The following NR2C2 variants were observed in gnomAD, a reference collection of about 807,000 sequenced individuals.
NR2C2 encodes nuclear receptor subfamily 2 group C member 2.
Under a neutral mutation model 62.9 loss-of-function variants are expected in NR2C2, and 6 were observed. The ratio of observed to expected loss-of-function variants is 0.10; its 90% CI spans 0.05 to 0.19. The LOEUF (loss-of-function observed/expected upper bound fraction) is 0.19. Ranked by LOEUF, NR2C2 falls within the 10% of genes least tolerant of loss-of-function variation. The pLI, the probability that NR2C2 is intolerant of heterozygous loss-of-function variation, is 1.00. For missense variants in NR2C2, 479 were observed against 762.7 expected (o/e 0.63, Z 4.38); for synonymous variants, 272 against 273.8 (o/e 0.99, Z 0.07).
chr3:14,960,077 A>C (rs1404967174), intron 1 of NR2C2, among the ~76,000 whole-genome samples: 1 of 152,218 alleles, frequency 6.6e-6, no homozygotes, highest in South Asian at 2.1e-4. Context: ...GGAGTTACAT[A>C]TGAGGGGAAA....
intron 1 of NR2C2, among the ~76,000 whole-genome samples, chr3:14,969,794 C>T (rs1003556923): frequency 2.6e-5 from 4 of 152,134 alleles, no homozygotes; most frequent in Non-Finnish European, 4.4e-5. Flanking sequence ...ATTCTTATGA[C>T]CTCTTTATTC....
At chr3:15,029,815 A>G (rs2041922825) in intron 8 of NR2C2, among the ~76,000 whole-genome samples, 1 of 125,800 alleles carries the variant, frequency 7.9e-6, no homozygotes, top group Non-Finnish European at 1.7e-5. Flanking sequence ...ATAGATAGAT[A>G]GATAGATAGA....
intron 2 of NR2C2, among the ~76,000 whole-genome samples, chr3:15,013,008 T>G (rs1286745525): frequency 6.6e-6 from 1 of 152,314 alleles, no homozygotes; most frequent in African/African-American, 2.4e-5. Context: ...GTGCTGGCCC[T>G]GGGGATATAG....
chr3:14,977,787 A>C (rs775656694), intron 1 of NR2C2, among the ~76,000 whole-genome samples: 19 of 152,188 alleles, frequency 1.2e-4, no homozygotes, highest in Admixed American at 2.6e-4. Flanking sequence ...CAACATGGCG[A>C]AACCCCGTCT....
chr3:14,957,716 A>G (rs1328305506), intron 1 of NR2C2, among the ~76,000 whole-genome samples: 1 of 152,134 alleles, frequency 6.6e-6, no homozygotes, highest in Non-Finnish European at 1.5e-5. Flanking sequence ...ATCTGCCTTC[A>G]TCTCTAGACT....
At chr3:14,958,531 G>A (rs1044132075) in intron 1 of NR2C2, among the ~76,000 whole-genome samples, 1 of 152,148 alleles carries the variant, frequency 6.6e-6, no homozygotes, top group Admixed American at 6.5e-5. Flanking sequence ...CACAGTGGTT[G>A]TTAATATAAT....
At chr3:15,033,948 A>G (rs1158868908) in intron 10 of NR2C2, among the ~76,000 whole-genome samples, 5 of 152,218 alleles carry the variant, frequency 3.3e-5, no homozygotes, top group African/African-American at 4.8e-5. Flanking sequence ...GACCCAGTGC[A>G]GTAGCCCTGG....
At chr3:14,998,988 C>T (rs2040908775) in intron 1 of NR2C2, among the ~76,000 whole-genome samples, 1 of 151,844 alleles carries the variant, frequency 6.6e-6, no homozygotes. Context: ...CCTGGGCATC[C>T]AGGAGTGAGA....
At chr3:15,012,274 T>G (rs1168697015) in intron 2 of NR2C2, among the ~76,000 whole-genome samples, 1 of 152,042 alleles carries the variant, frequency 6.6e-6, no homozygotes. Context: ...TCGCTCAGGC[T>G]GGAGTGCAGT....
chr3:15,038,359 A>G, intron 12 of NR2C2: 1 of 430,630 alleles, frequency 2.3e-6, no homozygotes, highest in Non-Finnish European at 4.1e-6. Flanking sequence ...GATGTCACGC[A>G]CTGAATAGAT....
chr3:15,021,133 G>T (rs925898763), intron 5 of NR2C2, among the ~76,000 whole-genome samples: 1 of 152,200 alleles, frequency 6.6e-6, no homozygotes, highest in South Asian at 2.1e-4. Context: ...TGCTGTGTGT[G>T]TGGAAAGCCT....
intron 12 of NR2C2, 85 bp downstream of exon 12, chr3:15,038,222 G>A: frequency 7.2e-7 from 1 of 1,398,538 alleles, no homozygotes; most frequent in East Asian, 2.4e-5. Flanking sequence ...CATCATTGGT[G>A]TAGAAAGAGC....
At chr3:14,968,010 T>C (rs974543489) in intron 1 of NR2C2, among the ~76,000 whole-genome samples, 4 of 152,120 alleles carry the variant, frequency 2.6e-5, no homozygotes, top group African/African-American at 4.8e-5. Context: ...AAGACTTAAA[T>C]GTTAGACCTA....
intron 1 of NR2C2, among the ~76,000 whole-genome samples, chr3:14,997,196 T>G (rs1449879064): frequency 2.0e-5 from 3 of 152,216 alleles, no homozygotes; most frequent in South Asian, 2.1e-4. Flanking sequence ...TCGGTTATAG[T>G]ATTCACCACA....
intron 4 of NR2C2, among the ~76,000 whole-genome samples, chr3:15,020,190 C>T (rs546297824): frequency 2.0e-5 from 3 of 152,300 alleles, no homozygotes; most frequent in South Asian, 4.1e-4. Context: ...CTGTGGGCTT[C>T]GGCAGTGACA....
chr3:14,998,917 A>G (rs2040906423), intron 1 of NR2C2, among the ~76,000 whole-genome samples: 1 of 152,168 alleles, frequency 6.6e-6, no homozygotes, highest in Admixed American at 6.5e-5. Flanking sequence ...TAGGGAGATC[A>G]CTTGAGCCTG....
At chr3:14,995,693 A>G (rs889009732) in intron 1 of NR2C2, among the ~76,000 whole-genome samples, 1 of 81,870 alleles carries the variant, frequency 1.2e-5, no homozygotes, top group Non-Finnish European at 2.3e-5. Flanking sequence ...GTGTGTGTGT[A>G]CACCTAAGAG....
intron 1 of NR2C2, among the ~76,000 whole-genome samples, chr3:14,951,188 G>T (rs1279862256): frequency 6.6e-6 from 1 of 152,200 alleles, no homozygotes; most frequent in Non-Finnish European, 1.5e-5. Context: ...CATCACAGGG[G>T]ATTGGAGAGA....
intron 1 of NR2C2, among the ~76,000 whole-genome samples, chr3:14,985,706 G>C (rs572034654): frequency 6.6e-6 from 1 of 152,202 alleles, no homozygotes; most frequent in African/African-American, 2.4e-5. Flanking sequence ...TTATAGATTA[G>C]AGCTATATTT....
Sources: allele counts gnomAD v4.1 joint callset (sites outside exome capture counted in the v4.1 genomes callset), GRCh38; gene constraint gnomAD v4.1.1; transcripts MANE v1.5; gene names NCBI Gene and HGNC (gene_info 2026-07-23, HGNC 2026-07-21).